The following SSMEM1 variants were observed in gnomAD, a reference collection of about 807,000 sequenced individuals.
SSMEM1 encodes the protein serine rich single-pass membrane protein 1, also known as serine-rich single-pass membrane protein 1.
A neutral mutation model predicts 9.9 loss-of-function variants in SSMEM1; 12 were observed. That is an observed-to-expected ratio of 1.21 (90% confidence interval 0.78 to 1.96). The LOEUF (loss-of-function observed/expected upper bound fraction) is 1.96. Among genes scored for constraint, SSMEM1 ranks in the 30% most tolerant of loss-of-function variants. The probability of loss-of-function intolerance (pLI) is 0.00; values close to 1 mark genes in which losing one functional copy is unlikely to be tolerated. For missense variants in SSMEM1, 259 were observed against 292.2 expected (o/e 0.89, Z 0.83); for synonymous variants, 96 against 98.9 (o/e 0.97, Z 0.17).
rs1179465068 is a variant in SSMEM1, at chr7:130,213,692, C to CAAAAAAAAA, written c.238+172_238+180dup. On this transcript the variant is annotated intron_variant, in intron 2 of 2. Coordinates refer to ENST00000297819, the MANE Select transcript of SSMEM1 (RefSeq NM_145268.4). ...TTGAGAACATAGTGAGACCCAGTAC[C>CAAAAAAAAA]AAAAAAAAAAAAAAAAAAAAAAGAA... Among the ~76,000 whole-genome samples the CAAAAAAAAA allele has an allele frequency of 7.4e-4, 59 of 79,586 alleles. 1 individual carries two copies. Among genetic ancestry groups the CAAAAAAAAA allele is most frequent in the Non-Finnish European group, 9.4e-4 (40 of 42,710 alleles). 52.2% of individuals were successfully genotyped at this position (79,586 alleles called of 152,430 possible).
chr7:130,206,892 A>G, upstream of SSMEM1: 1 of 206,328 alleles, frequency 4.8e-6, no homozygotes, highest in South Asian at 5.1e-5. Context: ...AGGCTGAGGC[A>G]GGAGAATCAC....
upstream of SSMEM1, chr7:130,207,788 T>A: frequency 2.0e-6 from 2 of 1,007,516 alleles, no homozygotes; most frequent in Non-Finnish European, 3.2e-6. Flanking sequence ...CCTAGAACAG[T>A]TGCTTAAGTA....
intron 1 of SSMEM1, among the ~76,000 whole-genome samples, chr7:130,211,467 G>A (rs546520948): frequency 6.6e-6 from 1 of 152,186 alleles, no homozygotes; most frequent in African/African-American, 2.4e-5. Flanking sequence ...CCAGAAAGTG[G>A]TATCTTAAAA....
chr7:130,208,593 T>C (rs910064479), intron 1 of SSMEM1, among the ~76,000 whole-genome samples: 2 of 152,230 alleles, frequency 1.3e-5, no homozygotes, highest in East Asian at 3.8e-4. Flanking sequence ...TGCTATGTAA[T>C]GCTGGCATAA....
At chr7:130,210,583 A>G (rs1798572619) in intron 1 of SSMEM1, among the ~76,000 whole-genome samples, 1 of 152,216 alleles carries the variant, frequency 6.6e-6, no homozygotes, top group South Asian at 2.1e-4. Context: ...TGGTAATCCA[A>G]ACACCTTATT....
upstream of SSMEM1, among the ~76,000 whole-genome samples, chr7:130,206,330 C>G (rs1218557270): frequency 6.6e-6 from 1 of 152,178 alleles, no homozygotes; most frequent in Non-Finnish European, 1.5e-5. Flanking sequence ...CCAGCCCAGC[C>G]CCAGCTCTCG....
At chr7:130,212,892 T>C (rs1266269041) in intron 1 of SSMEM1, among the ~76,000 whole-genome samples, 1 of 152,348 alleles carries the variant, frequency 6.6e-6, no homozygotes, top group Non-Finnish European at 1.5e-5. Context: ...CTCTCAAGTC[T>C]GTTCCATTTT....
At chr7:130,209,584 T>A (rs1056459419) in intron 1 of SSMEM1, among the ~76,000 whole-genome samples, 5 of 152,224 alleles carry the variant, frequency 3.3e-5, no homozygotes, top group Non-Finnish European at 7.3e-5. Context: ...CTATTTTTTT[T>A]ATTTTTATTT....
intron 2 of SSMEM1, among the ~76,000 whole-genome samples, chr7:130,213,801 T>C (rs1028767600): frequency 6.7e-5 from 10 of 149,650 alleles, no homozygotes; most frequent in Admixed American, 6.6e-4. Flanking sequence ...AAAACAGAGA[T>C]GAACAGCCAA....
At chr7:130,207,477 A>G (rs981851177), upstream of SSMEM1, among the ~76,000 whole-genome samples, 3 of 152,198 alleles carry the variant, frequency 2.0e-5, no homozygotes, top group Non-Finnish European at 4.4e-5. Flanking sequence ...ATAGAGTCAC[A>G]CTGGAGGTGA....
At position 130,215,999 on chromosome 7, in the gene SSMEM1, G is replaced by T; in HGVS notation, c.264G>T (p.Arg88=). 1 of 1,614,048 alleles carries T rather than the reference G, an allele frequency of 6.2e-7. No individual in the cohort carries two copies. The highest frequency in any genetic ancestry group is 8.5e-7 in the Non-Finnish European group (1 of 1,179,962). ...RKASKETSCK[R]QSKDSAWDPS... is the part of the protein sequence containing the mutation. ...CAAGCAAAGAGACTTCCTGTAAGCG[G>T]CAAAGCAAAGACAGTGCCTGGGATC... The change falls in exon 3 of 3, where the codon CGG becomes CGT. Residue 88 remains arginine, a synonymous_variant. Coordinates refer to ENST00000297819, the MANE Select transcript of SSMEM1 (RefSeq NM_145268.4).
At chr7:130,211,185 A>G (rs746617476) in intron 1 of SSMEM1, among the ~76,000 whole-genome samples, 3 of 134,604 alleles carry the variant, frequency 2.2e-5, no homozygotes, top group Non-Finnish European at 4.6e-5. Context: ...TTTGAGACAG[A>G]GTCTCGCTGT....
At chr7:130,215,932 A>G in intron 2 of SSMEM1, 42 bp from the exon 3 acceptor site, 2 of 1,596,426 alleles carry the variant, frequency 1.3e-6, no homozygotes, top group South Asian at 1.1e-5. Flanking sequence ...ATTCATAGTA[A>G]CCAACAATAT....
intron 1 of SSMEM1, among the ~76,000 whole-genome samples, chr7:130,212,305 G>A (rs1027766901): frequency 6.6e-6 from 1 of 152,128 alleles, no homozygotes; most frequent in Admixed American, 6.5e-5. Context: ...ACATTTTGGA[G>A]GAAACTTTCG....
At chr7:130,213,335 G>A in intron 1 of SSMEM1, 145 bp from the exon 2 acceptor site, 1 of 474,746 alleles carries the variant, frequency 2.1e-6, no homozygotes, top group South Asian at 3.4e-5. Context: ...GCAACAGAGT[G>A]AGACTCTCCA....
At chr7:130,209,219 G>A (rs1171366934) in intron 1 of SSMEM1, among the ~76,000 whole-genome samples, 1 of 152,190 alleles carries the variant, frequency 6.6e-6, no homozygotes, top group Non-Finnish European at 1.5e-5. Context: ...TTAATACCAG[G>A]CTGATGATTA....
At chr7:130,205,518 C>T (rs897247385), upstream of SSMEM1, 4 of 1,329,500 alleles carry the variant, frequency 3.0e-6, no homozygotes, top group African/African-American at 1.4e-5. Flanking sequence ...GGAGGGGTCG[C>T]AGGCCCAGGC....
upstream of SSMEM1, chr7:130,207,739 C>T (rs1798514371): frequency 1.4e-6 from 1 of 737,928 alleles, no homozygotes; most frequent in Non-Finnish European, 2.4e-6. Flanking sequence ...TTTGAATAAC[C>T]TTCCACAAAC....
At position 130,208,053 on chromosome 7, in the gene SSMEM1, T is replaced by C; in HGVS notation, c.143T>C (p.Ile48Thr). Residue 48 changes from isoleucine (I) to threonine (T), a missense_variant, in exon 1 of 3, where the codon ATC becomes ACC. Coordinates refer to ENST00000297819, the MANE Select transcript of SSMEM1 (RefSeq NM_145268.4). ...AGCTTCCTGCTTTGGTATTTTGTTA[T>C]CGTATTTGTCCTGATGTTCTTCTCT... ...IGSFLLWYFV[I>T]VFVLMFFSRA... 2 of 1,614,084 alleles carry C rather than the reference T, an allele frequency of 1.2e-6. No homozygotes were observed. Among genetic ancestry groups the C allele is most frequent in the East Asian group, 2.2e-5 (1 of 44,850 alleles).
Sources: gnomAD v4.1 joint callset for allele counts (sites outside exome capture counted in the v4.1 genomes callset) on GRCh38, gnomAD v4.1.1 for gene constraint, MANE v1.5 for transcripts, NCBI Gene and HGNC (gene_info 2026-07-23, HGNC 2026-07-21) for gene names.